Variants in NRG3 observed in about 807,000 individuals in gnomAD.
The protein encoded by NRG3 is pro-neuregulin-3, membrane-bound isoform.
A neutral mutation model predicts 66.9 loss-of-function variants in NRG3; 31 were observed. The observed-to-expected ratio is 0.46, with a 90% CI of 0.35 to 0.63. The LOEUF is 0.63. Ranked by LOEUF, NRG3 falls within the 20% of genes least tolerant of loss-of-function variation. The probability of loss-of-function intolerance (pLI) is 0.00; values close to 1 mark genes in which losing one functional copy is unlikely to be tolerated. For synonymous variants in NRG3, 393 were observed against 359.4 expected, an observed-to-expected ratio of 1.09 and a Z score of -1.06; for missense variants, 910 against 878.9, an observed-to-expected ratio of 1.04 and a Z score of -0.45.
At chr10:82,967,508 C>T (rs112361989) in intron 6 of NRG3, among the ~76,000 whole-genome samples, 291 of 152,278 alleles carry the variant, frequency 1.9e-3, no homozygotes, top group African/African-American at 6.8e-3. Flanking sequence ...CATACCTTTG[C>T]ACTGTTCAAC....
At chr10:82,005,971 A>G (rs1375114443) in intron 1 of NRG3, among the ~76,000 whole-genome samples, 1 of 151,920 alleles carries the variant, frequency 6.6e-6, no homozygotes, top group Non-Finnish European at 1.5e-5. Flanking sequence ...TTATGAAAAC[A>G]CATGAGTTTT....
intron 1 of NRG3, among the ~76,000 whole-genome samples, chr10:82,212,854 C>A (rs952744718): frequency 2.6e-5 from 4 of 152,068 alleles, no homozygotes; most frequent in African/African-American, 9.7e-5. Context: ...GTAAGTAAAA[C>A]CTTTTAAAGG....
At chr10:81,988,852 T>A (rs943612934) in intron 1 of NRG3, among the ~76,000 whole-genome samples, 1 of 151,776 alleles carries the variant, frequency 6.6e-6, no homozygotes, top group African/African-American at 2.4e-5. Context: ...AAATCAATGA[T>A]GGATTTCCAA....
intron 1 of NRG3, among the ~76,000 whole-genome samples, chr10:81,885,854 A>G (rs575458633): frequency 1.3e-5 from 2 of 152,286 alleles, no homozygotes; most frequent in African/African-American, 4.8e-5. Flanking sequence ...TTGTTAGACC[A>G]AAGCTTTTTT....
chr10:82,903,904 T>G (rs568290674), intron 4 of NRG3, among the ~76,000 whole-genome samples: 37 of 152,276 alleles, frequency 2.4e-4, no homozygotes, highest in Admixed American at 1.3e-3. Flanking sequence ...ATATATGTTA[T>G]AAAGACCAGC....
chr10:82,917,363 G>A (rs1845940722), intron 4 of NRG3, among the ~76,000 whole-genome samples: 1 of 152,166 alleles, frequency 6.6e-6, no homozygotes, highest in South Asian at 2.1e-4. Context: ...CCTTCACAAT[G>A]AAGTCACAGG....
intron 4 of NRG3, among the ~76,000 whole-genome samples, chr10:82,899,812 T>C (rs922576520): frequency 6.6e-6 from 1 of 152,146 alleles, no homozygotes; most frequent in Non-Finnish European, 1.5e-5. Context: ...CAAGTACTAA[T>C]AGGCAGGTCT....
intron 1 of NRG3, among the ~76,000 whole-genome samples, chr10:82,349,389 T>C (rs2083258573): frequency 6.6e-6 from 1 of 151,044 alleles, no homozygotes; most frequent in African/African-American, 2.4e-5. Flanking sequence ...GGGTCAGGGG[T>C]CAGGGACCCA....
intron 2 of NRG3, among the ~76,000 whole-genome samples, chr10:82,725,418 C>T (rs1298007702): frequency 6.6e-6 from 1 of 152,176 alleles, no homozygotes; most frequent in Non-Finnish European, 1.5e-5. Flanking sequence ...TACCCTTGCA[C>T]ACTGTGTGAG....
At chr10:82,321,616 G>A (rs2081583655) in intron 1 of NRG3, among the ~76,000 whole-genome samples, 1 of 152,026 alleles carries the variant, frequency 6.6e-6, no homozygotes, top group African/African-American at 2.4e-5. Context: ...GACAAGATAG[G>A]GGCCCACCTA....
chr10:82,785,295 G>GTA (rs1000517011), intron 3 of NRG3, among the ~76,000 whole-genome samples: 17 of 151,500 alleles, frequency 1.1e-4, no homozygotes, highest in African/African-American at 4.1e-4. Flanking sequence ...CATGGCACAT[G>GTA]TATACATACG....
intron 3 of NRG3, among the ~76,000 whole-genome samples, chr10:82,861,611 C>A (rs78457669): frequency 3.9e-5 from 6 of 152,154 alleles, no homozygotes; most frequent in African/African-American, 1.2e-4. Context: ...TTGTCACATC[C>A]GGAGGCAGAG....
rs534559230 is a variant in NRG3 at position 82,905,608 on chromosome 10, C to G, written c.1054+40171C>G. Among the ~76,000 whole-genome samples, 5 of 152,164 alleles carry G rather than the reference C, an allele frequency of 3.3e-5. No homozygotes were observed. The East Asian group carries it at 9.6e-4, about 29-fold the overall frequency. ...AAAAATCTTGGGGAAAGTGTGCTTC[C>G]TTTTCTTTAAATACACTGTCTTTCA... On this transcript the variant is annotated intron_variant, in intron 4 of 8. Coordinates refer to ENST00000372141, the MANE Select transcript of NRG3 (RefSeq NM_001010848.4).
chr10:82,455,750 G>T (rs1038280189), intron 2 of NRG3, among the ~76,000 whole-genome samples: 1 of 151,938 alleles, frequency 6.6e-6, no homozygotes, highest in African/African-American at 2.4e-5. Context: ...GAGTAGCTGG[G>T]ATTACAGGTG....
chr10:81,948,055 T>C (rs1266213070), intron 1 of NRG3, among the ~76,000 whole-genome samples: 1 of 152,190 alleles, frequency 6.6e-6, no homozygotes, highest in Non-Finnish European at 1.5e-5. Flanking sequence ...CACTCCCTAA[T>C]CATAGTGGCT....
intron 1 of NRG3, among the ~76,000 whole-genome samples, chr10:82,005,200 T>C (rs1034952955): frequency 3.3e-5 from 5 of 152,228 alleles, no homozygotes; most frequent in African/African-American, 1.2e-4. Context: ...TGGCAGGCCC[T>C]GTAGTCATGG....
At chr10:82,840,905 TC>T (rs919863087) in intron 3 of NRG3, among the ~76,000 whole-genome samples, 13 of 152,074 alleles carry the variant, frequency 8.5e-5, no homozygotes, top group African/African-American at 3.1e-4. Flanking sequence ...GAATCCTGTA[TC>T]CCCTAAAAAG....
intron 1 of NRG3, among the ~76,000 whole-genome samples, chr10:82,273,258 G>T (rs960146018): frequency 4.6e-5 from 7 of 151,834 alleles, no homozygotes; most frequent in Non-Finnish European, 1.0e-4. Flanking sequence ...GCTTTGATTG[G>T]CTGCTTAGTC....
At chr10:82,087,532 G>A (rs993283558) in intron 1 of NRG3, among the ~76,000 whole-genome samples, 7 of 152,012 alleles carry the variant, frequency 4.6e-5, no homozygotes, top group Non-Finnish European at 1.0e-4. Context: ...CAGTACAGGT[G>A]GACTCAGCAC....
Sources: allele counts gnomAD v4.1 joint callset (sites outside exome capture counted in the v4.1 genomes callset), GRCh38; gene constraint gnomAD v4.1.1; transcripts MANE v1.5; gene names NCBI Gene and HGNC (gene_info 2026-07-23, HGNC 2026-07-21).